UBXN4: variants seen among roughly 807,000 people sequenced by gnomAD.
UBXN4 encodes the protein UBX domain protein 4.
UBXN4 carries 35 observed loss-of-function variants against 66.2 expected under a neutral mutation model. That is an observed-to-expected ratio of 0.53 (90% CI 0.40 to 0.70). The LOEUF is 0.70. Ranked by LOEUF, UBXN4 falls within the 30% of genes least tolerant of loss-of-function variation. UBXN4 has a pLI of 0.00. For synonymous variants in UBXN4, 203 were observed against 204.5 expected (o/e 0.99, Z 0.06); for missense variants, 533 against 599.8 (o/e 0.89, Z 1.16).
intron 2 of UBXN4, among the ~76,000 whole-genome samples, chr2:135,752,600 C>T (rs1325753875): frequency 3.3e-5 from 5 of 152,174 alleles, no homozygotes; most frequent in South Asian, 4.1e-4. Context: ...CTTATGTCTT[C>T]GTGTTCCAGG....
chr2:135,751,750 T>C (rs1469128795), intron 2 of UBXN4, among the ~76,000 whole-genome samples: 1 of 151,828 alleles, frequency 6.6e-6, no homozygotes, highest in Non-Finnish European at 1.5e-5. Flanking sequence ...AATGGTAGGA[T>C]TTTGGGTAAT....
intron 6 of UBXN4, among the ~76,000 whole-genome samples, chr2:135,767,596 T>C (rs2077356200): frequency 6.6e-6 from 1 of 152,240 alleles, no homozygotes; most frequent in Admixed American, 6.5e-5. Context: ...CAGTAATTGG[T>C]GCACTCTCAT....
chr2:135,774,236 T>C (rs1322802956), intron 9 of UBXN4, among the ~76,000 whole-genome samples: 4 of 152,156 alleles, frequency 2.6e-5, no homozygotes, highest in Admixed American at 1.3e-4. Flanking sequence ...TTGAAAAGGG[T>C]ACCAAGACTA....
Position 135,781,993 on chromosome 2 carries a change from G to A in UBXN4, c.1389-756G>A, listed in dbSNP as rs547153002. On this transcript the variant is annotated intron_variant, in intron 12 of 12. Coordinates refer to ENST00000272638, the MANE Select transcript of UBXN4 (RefSeq NM_014607.4). Reference sequence around the variant, plus strand: ...GGAAGCTGGGGCAGGAGGATTGTGTGAGCTCCAGAGTTTTGAGGCTGTAGT... The same window carrying A: ...GGAAGCTGGGGCAGGAGGATTGTGTAAGCTCCAGAGTTTTGAGGCTGTAGT... Among the ~76,000 whole-genome samples, 72 of 152,276 alleles carry A rather than the reference G, an allele frequency of 4.7e-4. 1 individual carries two copies. The highest frequency in any genetic ancestry group is 3.4e-3 in the Middle Eastern group (1 of 294).
At chr2:135,761,009 A>G (rs1264605715) in intron 5 of UBXN4, among the ~76,000 whole-genome samples, 1 of 152,208 alleles carries the variant, frequency 6.6e-6, no homozygotes, top group Non-Finnish European at 1.5e-5. Flanking sequence ...GTTAAGTTCT[A>G]AGCATTTTAC....
chr2:135,747,833 C>T lies in UBXN4; in HGVS notation c.83-434C>T, dbSNP rs118124942. The T allele has an allele frequency of 0.011, 3,952 of 361,222 alleles. 249 individuals carry two copies. In the East Asian group the frequency reaches 0.18, roughly 17 times the overall value. The allele number at this position is 361,222 out of a possible 1,614,324, so 22.4% of individuals were successfully genotyped here. On this transcript the variant is annotated intron_variant, in intron 1 of 12. Transcript: ENST00000272638. The stretch of plus-strand genomic sequence containing the variant: ...ATGGGGTTTTACCGTGTTGGCCAGT[C>T]TGGTCTCGAATTCCTGGCCTCAGGT...
rs566836161 is a variant in UBXN4, at chr2:135,780,479, T to C, written c.1388+94T>C. ...GTTGAGTACTTTGCCTTTCTGTATA[T>C]GTCCTCTCCAGTTCCCACGGTGGAG... On this transcript the variant is annotated intron_variant, in intron 12 of 12. Transcript: ENST00000272638. The C allele has an allele frequency of 7.4e-5, 87 of 1,179,282 alleles. No homozygotes were observed. In the East Asian group the frequency reaches 2.0e-3, roughly 27 times the overall value. The allele number at this position is 1,179,282 out of a possible 1,614,324, so 73.1% of individuals were successfully genotyped here.
At chr2:135,762,235 G>A (rs565954546) in intron 6 of UBXN4, among the ~76,000 whole-genome samples, 1 of 152,292 alleles carries the variant, frequency 6.6e-6, no homozygotes, top group Non-Finnish European at 1.5e-5. Context: ...AGATGGGCAA[G>A]AACTTCAGCT....
chr2:135,765,608 C>T (rs925613365), intron 6 of UBXN4, among the ~76,000 whole-genome samples: 3 of 151,436 alleles, frequency 2.0e-5, no homozygotes, highest in Admixed American at 6.6e-5. Flanking sequence ...CAAACCTCAA[C>T]GTTGAAAAAA....
At chr2:135,747,633 A>G (rs1420059102) in intron 1 of UBXN4, 1 of 456,472 alleles carries the variant, frequency 2.2e-6, no homozygotes, top group Non-Finnish European at 4.4e-6. Context: ...CAGATATCAA[A>G]CTTTTTATTT....
rs200429977 is a variant in UBXN4 at position 135,784,019 on chromosome 2, C to A, written c.*1132C>A. The A allele has an allele frequency of 8.3e-6, 1 of 120,424 alleles. No individual in the cohort carries two copies. The highest frequency in any genetic ancestry group is 1.6e-5 in the Non-Finnish European group (1 of 63,956). 7.5% of individuals were successfully genotyped at this position (120,424 alleles called of 1,614,324 possible). A position where few individuals can be genotyped will look rare whatever the true frequency, so the allele number is the denominator to read the frequency against. ...AAGAAATTTTCTCAGAGCAAACTTTCTATTTTTTACCTGTGAAATAACAGT... is the reference window on the plus strand; with the variant it reads ...AAGAAATTTTCTCAGAGCAAACTTTATATTTTTTACCTGTGAAATAACAGT... On this transcript the variant is annotated 3_prime_UTR_variant, in exon 13 of 13. Coordinates refer to ENST00000272638, the MANE Select transcript of UBXN4 (RefSeq NM_014607.4).
At position 135,748,321 on chromosome 2, in the gene UBXN4, C is replaced by G. The variant is rs1314919970; in HGVS notation, c.137C>G (p.Thr46Arg). 1 of 1,607,206 alleles carries G rather than the reference C, an allele frequency of 6.2e-7. No homozygotes were observed. Among genetic ancestry groups the G allele is most frequent in the South Asian group, 1.1e-5 (1 of 89,482 alleles). Residue 46 changes from threonine to arginine, a missense_variant, in exon 2 of 13, where the codon ACA (threonine) becomes AGA (arginine). Around this residue, in one of 2 missense-constraint regions of UBXN4, gnomAD observed 529 missense variants for 580.1 expected, o/e 0.91. Coordinates refer to ENST00000272638, the MANE Select transcript of UBXN4 (RefSeq NM_014607.4). The stretch of plus-strand genomic sequence containing the variant: ...GCAAGTTGGGAAGATGATAAAGTTA[C>G]AGAAGCATCTTCAAACAGTTTTGTT... Reference protein sequence around the residue: ...MAASWEDDKVTEASSNSFVAI... With the variant: ...MAASWEDDKVREASSNSFVAI...
chr2:135,749,392 C>T (rs1436067930), intron 2 of UBXN4, among the ~76,000 whole-genome samples: 1 of 152,124 alleles, frequency 6.6e-6, no homozygotes, highest in Admixed American at 6.6e-5. Context: ...TTTGTTTCTC[C>T]GTTCCTCCTC....
At chr2:135,770,844 A>G in intron 8 of UBXN4, 109 bp downstream of exon 8, 2 of 1,054,686 alleles carry the variant, frequency 1.9e-6, no homozygotes, top group Non-Finnish European at 2.5e-6. Flanking sequence ...CTCATAGACT[A>G]CCAATCCTGA....
chr2:135,773,312 GT>G (rs1407532992), intron 9 of UBXN4, among the ~76,000 whole-genome samples: 1 of 152,148 alleles, frequency 6.6e-6, no homozygotes, highest in Non-Finnish European at 1.5e-5. Context: ...GGTTTCTTCT[GT>G]TTTAGCTTCA....
intron 6 of UBXN4, among the ~76,000 whole-genome samples, chr2:135,764,398 T>C (rs2077335201): frequency 6.6e-6 from 1 of 152,156 alleles, no homozygotes; most frequent in Non-Finnish European, 1.5e-5. Flanking sequence ...AGTCCTTCAA[T>C]CTTGAGCTGC....
In UBXN4 at chr2:135,754,238, T is replaced by A. The variant is rs776247191; in HGVS notation, c.294T>A (p.Ser98=). 8.1e-6 allele frequency: 13 copies of A among 1,614,060 alleles called. No individual in the cohort carries two copies. The South Asian group carries it at 1.3e-4, about 16-fold the overall frequency. The change falls in exon 4 of 13, where the codon TCT becomes TCA. Residue 98 remains serine, a synonymous_variant. Coordinates refer to ENST00000272638, the MANE Select transcript of UBXN4 (RefSeq NM_014607.4). The part of the protein sequence containing the change: ...IPLEVIAGSV[S]ADELVTRIHK... ...TGGAAGTAATAGCAGGAAGTGTTTC[T>A]GCAGATGAACTTGTTACAAGAATTC... is the stretch of plus-strand genomic sequence containing the variant.
chr2:135,744,749 C>T (rs2077196565), intron 1 of UBXN4, among the ~76,000 whole-genome samples: 1 of 152,074 alleles, frequency 6.6e-6, no homozygotes, highest in Non-Finnish European at 1.5e-5. Flanking sequence ...GCTGTTTTCT[C>T]CTAAAATCTT....
At chr2:135,778,184 A>AC (rs1484373849) in intron 10 of UBXN4, among the ~76,000 whole-genome samples, 1 of 149,402 alleles carries the variant, frequency 6.7e-6, no homozygotes, top group East Asian at 1.9e-4. Context: ...CAAAAAAAAA[A>AC]AAAACAAAAA....
Sources: allele counts gnomAD v4.1 joint callset (sites outside exome capture counted in the v4.1 genomes callset), GRCh38; gene constraint gnomAD v4.1.1; regional missense constraint gnomAD v4.1.1; transcripts MANE v1.5; gene names NCBI Gene and HGNC (gene_info 2026-07-23, HGNC 2026-07-21).